CHM: variants seen among roughly 807,000 people sequenced by gnomAD.
CHM encodes the protein CHM Rab escort protein.
In CHM, 10 loss-of-function variants were observed where a neutral mutation model predicts 49.0. That is an observed-to-expected ratio of 0.20 (90% CI 0.13 to 0.35). The LOEUF (loss-of-function observed/expected upper bound fraction) is 0.35, where lower values mean the gene tolerates loss of function less well. CHM is among the 10% of genes least tolerant of loss of function. The pLI is 1.00. For missense variants in CHM, 455 were observed against 478.4 expected, an observed-to-expected ratio of 0.95 and a Z score of 0.46; for synonymous variants, 184 against 167.5, an observed-to-expected ratio of 1.10 and a Z score of -0.76.
At chrX:85,895,340 C>T (rs1221016800) in intron 11 of CHM, among the ~76,000 whole-genome samples, 2 of 107,047 alleles carry the variant, frequency 1.9e-5, no homozygotes, top group Non-Finnish European at 3.8e-5. Flanking sequence ...AATGGGGCTT[C>T]ACCATGTTGG....
In CHM at chrX:85,862,786, G is replaced by T. The variant is rs760509440; in HGVS notation, c.*1844C>A. On this transcript the variant is annotated 3_prime_UTR_variant, in exon 15 of 15. Coordinates refer to ENST00000357749, the MANE Select transcript of CHM (RefSeq NM_000390.4). ...TTCCTTGGTTCTTTCCATTTCCCATGAATCTGTGACCTGCCACAGCTGGCT... is the reference window on the plus strand; with the variant it reads ...TTCCTTGGTTCTTTCCATTTCCCATTAATCTGTGACCTGCCACAGCTGGCT... 1 of 111,256 alleles carries T rather than the reference G, an allele frequency of 9.0e-6. No homozygotes were observed. Among genetic ancestry groups the T allele is most frequent in the Admixed American group, 9.6e-5 (1 of 10,428 alleles). The allele number at this position is 111,256 out of a possible 1,213,427, so 9.2% of individuals were successfully genotyped here.
chrX:86,031,907 G>A (rs1370221836), intron 1 of CHM, among the ~76,000 whole-genome samples: 1 of 112,352 alleles, frequency 8.9e-6, no homozygotes, highest in East Asian at 2.8e-4. Context: ...TGCTAATTTG[G>A]TAAAATAATA....
chrX:85,912,647 G>T (rs1283988007), intron 8 of CHM, among the ~76,000 whole-genome samples: 3 of 111,338 alleles, frequency 2.7e-5, no homozygotes, highest in Non-Finnish European at 5.7e-5. Flanking sequence ...ACTTTACAGT[G>T]GTGATTAATG....
rs1260740621 is a variant in CHM at position 85,886,188 on chromosome X, T to C, written c.1511-7125A>G. Among the ~76,000 whole-genome samples, 3 of 111,503 alleles carry C rather than the reference T, an allele frequency of 2.7e-5. No individual in the cohort carries two copies. The Admixed American group carries it at 2.9e-4, about 11-fold the overall frequency. On this transcript the variant is annotated intron_variant, in intron 12 of 14. Transcript: ENST00000357749. The stretch of plus-strand genomic sequence containing the variant: ...GTTCTGAATATACATTTCTTTCCAA[T>C]TATGAGTAATGTCAAATTCCACACA...
rs1923566012 is a variant in CHM at position 85,864,511 on chromosome X, C to A, written c.*119G>T. 3 of 594,686 alleles carry A rather than the reference C, an allele frequency of 5.0e-6. No individual in the cohort carries two copies. In the African/African-American group the frequency reaches 6.7e-5, roughly 13 times the overall value. The allele number at this position is 594,686 out of a possible 1,213,427, so 49.0% of individuals were successfully genotyped here. A position where few individuals can be genotyped will look rare whatever the true frequency, so the allele number is the denominator to read the frequency against. The stretch of plus-strand genomic sequence containing the variant: ...AAAATCCCCTTTTGGATTTCTATTA[C>A]CTATTTTGCCTTATAATTGCTGCTG... On this transcript the variant is annotated 3_prime_UTR_variant, in exon 15 of 15. Transcript: ENST00000357749.
intron 13 of CHM, among the ~76,000 whole-genome samples, chrX:85,877,769 T>G (rs1924505162): frequency 1.8e-5 from 2 of 110,634 alleles, no homozygotes; most frequent in Non-Finnish European, 3.8e-5. Context: ...CAGAACAGTT[T>G]GTCTTCTTAT....
At chrX:85,934,229 C>A (rs1928627145) in intron 8 of CHM, among the ~76,000 whole-genome samples, 1 of 106,583 alleles carries the variant, frequency 9.4e-6, no homozygotes, top group Non-Finnish European at 1.9e-5. Context: ...ATCTGCCCAC[C>A]TTGGCCTCCC....
chrX:85,997,357 C>A (rs536402898), intron 2 of CHM, among the ~76,000 whole-genome samples: 34 of 111,490 alleles, frequency 3.0e-4, no homozygotes, highest in African/African-American at 9.1e-4. Context: ...TTATTGTTCA[C>A]CTCGATACCC....
intron 2 of CHM, among the ~76,000 whole-genome samples, chrX:85,990,422 G>A (rs1045952633): frequency 3.6e-5 from 4 of 111,085 alleles, no homozygotes; most frequent in Non-Finnish European, 5.7e-5. Flanking sequence ...TGAGTACAAC[G>A]AACCCCCATC....
chrX:85,985,345 G>A (rs1279709192), intron 2 of CHM, among the ~76,000 whole-genome samples: 1 of 112,185 alleles, frequency 8.9e-6, no homozygotes, highest in Non-Finnish European at 1.9e-5. Context: ...TCCTCACTGG[G>A]TGGGATGTCC....
At position 85,968,208 on chromosome X, in the gene CHM, T is replaced by C. The variant is rs1206328212; in HGVS notation, c.315-4156A>G. 2.7e-5 allele frequency among the ~76,000 whole-genome samples: 3 copies of C among 112,469 alleles called. No individual in the cohort carries two copies. In the East Asian group the frequency reaches 8.4e-4, roughly 31 times the overall value. ...CAAAAATCAGACTATTCAGAAATTG[T>C]TGTTCTACAAAATAGCAATATAAAA... On this transcript the variant is annotated intron_variant, in intron 4 of 14. Coordinates refer to ENST00000357749, the MANE Select transcript of CHM (RefSeq NM_000390.4).
At chrX:86,003,108 C>G in intron 2 of CHM, among the ~76,000 whole-genome samples, 1 of 112,076 alleles carries the variant, frequency 8.9e-6, no homozygotes, top group Non-Finnish European at 1.9e-5. Flanking sequence ...TGGTGATACC[C>G]AGGCATACAG....
chrX:85,905,374 A>C (rs185817872), intron 9 of CHM, among the ~76,000 whole-genome samples: 256 of 112,102 alleles, frequency 2.3e-3, no homozygotes, highest in African/African-American at 8.0e-3. Context: ...GTTCAACATA[A>C]ATGTATAGCA....
chrX:85,921,692 G>A (rs1927794819), intron 8 of CHM, among the ~76,000 whole-genome samples: 1 of 112,213 alleles, frequency 8.9e-6, no homozygotes. Context: ...ACAGTAAGTA[G>A]GCATGCCTAC....
chrX:86,032,484 GA>G (rs1185850580), intron 1 of CHM, among the ~76,000 whole-genome samples: 42 of 101,844 alleles, frequency 4.1e-4, no homozygotes, highest in Non-Finnish European at 5.1e-4. Context: ...TTATTTGAAG[GA>G]AAAAAAAAAG....
At chrX:85,970,964 C>T (rs565993090) in intron 4 of CHM, 9 of 699,469 alleles carry the variant, frequency 1.3e-5, no homozygotes, top group Non-Finnish European at 1.5e-5. Flanking sequence ...CAATACCCAA[C>T]GTATTAAATT....
At chrX:85,958,121 T>C in intron 6 of CHM, 146 bp from the exon 7 acceptor site, 1 of 669,284 alleles carries the variant, frequency 1.5e-6, no homozygotes, top group Non-Finnish European at 2.2e-6. Flanking sequence ...TCAGTACTAA[T>C]GGCATCTCTG....
rs1933510656 is a variant in CHM at position 86,020,826 on chromosome X, A to G, written c.116+6665T>C. 3.9e-5 allele frequency among the ~76,000 whole-genome samples: 4 copies of G among 102,780 alleles called. No individual in the cohort carries two copies. In the South Asian group the frequency reaches 1.2e-3, roughly 32 times the overall value. 89.3% of individuals were successfully genotyped at this position (102,780 alleles called of 115,157 possible). On this transcript the variant is annotated intron_variant, in intron 2 of 14. Coordinates refer to ENST00000357749, the MANE Select transcript of CHM (RefSeq NM_000390.4). ...ATAAGAGCAGTAGATGCTCTTATAT[A>G]TATCTCTGATATGTGATACATCATA...
intron 2 of CHM, among the ~76,000 whole-genome samples, chrX:85,982,543 G>A (rs937108757): frequency 8.9e-6 from 1 of 111,737 alleles, no homozygotes; most frequent in East Asian, 2.8e-4. Flanking sequence ...AATAGGTCAG[G>A]TAAACCTTGT....
Sources: gnomAD v4.1 joint callset for allele counts (sites outside exome capture counted in the v4.1 genomes callset) on GRCh38, gnomAD v4.1.1 for gene constraint, MANE v1.5 for transcripts, NCBI Gene and HGNC (gene_info 2026-07-23, HGNC 2026-07-21) for gene names.